Variants in CFAP44 observed in about 807,000 individuals in gnomAD.
CFAP44 encodes the protein cilia- and flagella-associated protein 44.
Under a neutral mutation model 216.2 loss-of-function variants are expected in CFAP44, and 134 were observed. That is an observed-to-expected ratio of 0.62 (90% CI 0.54 to 0.72). The LOEUF is 0.72. CFAP44 is among the 30% of genes least tolerant of loss of function. The probability of loss-of-function intolerance (pLI) is 0.00; values close to 1 mark genes in which losing one functional copy is unlikely to be tolerated. For missense variants in CFAP44, 2,035 were observed against 2,182.1 expected (o/e 0.93, Z 1.34); for synonymous variants, 700 against 727.6 (o/e 0.96, Z 0.61).
At chr3:113,346,977 G>A (rs957813485) in intron 22 of CFAP44, among the ~76,000 whole-genome samples, 9 of 152,020 alleles carry the variant, frequency 5.9e-5, no homozygotes, top group East Asian at 3.9e-4. Context: ...TGAAGTCAGC[G>A]AGACCAAGAA....
chr3:113,337,009 G>A (rs900286395), intron 24 of CFAP44, among the ~76,000 whole-genome samples: 2 of 151,302 alleles, frequency 1.3e-5, no homozygotes, highest in African/African-American at 4.9e-5. Context: ...AAACAGATTA[G>A]AAATAAAACT....
chr3:113,304,242 GTCT>G, intron 31 of CFAP44, 125 bp from the exon 32 acceptor site: 1 of 939,530 alleles, frequency 1.1e-6, no homozygotes. Flanking sequence ...GGGCTTCTAC[GTCT>G]TCCTTACTGA....
At chr3:113,410,164 T>C (rs1318662058) in intron 6 of CFAP44, among the ~76,000 whole-genome samples, 1 of 152,016 alleles carries the variant, frequency 6.6e-6, no homozygotes, top group Non-Finnish European at 1.5e-5. Context: ...TTTTTTTTTA[T>C]TATACTTTAA....
At position 113,290,342 on chromosome 3, in the gene CFAP44, C is replaced by T. The variant is rs1055748; in HGVS notation, c.*1215G>A. On this transcript the variant is annotated 3_prime_UTR_variant, in exon 35 of 35. Transcript: ENST00000393845. ...CCAAGTGGCCACCTCTAAGAATATG[C>T]TGATGTACAAAGAAAGCAAGACCTG... The T allele has an allele frequency of 8.5e-5, 13 of 152,196 alleles. No homozygotes were observed. The highest frequency in any genetic ancestry group is 7.2e-4 in the Admixed American group (11 of 15,300). 9.4% of individuals were successfully genotyped at this position (152,196 alleles called of 1,614,324 possible).
intron 32 of CFAP44, among the ~76,000 whole-genome samples, chr3:113,300,588 T>C (rs1395489272): frequency 6.6e-6 from 1 of 151,648 alleles, no homozygotes; most frequent in Non-Finnish European, 1.5e-5. Context: ...ACCAAAGGAA[T>C]ATATTTGGAA....
intron 24 of CFAP44, among the ~76,000 whole-genome samples, chr3:113,334,259 T>C (rs190947237): frequency 7.9e-5 from 12 of 152,278 alleles, no homozygotes; most frequent in Admixed American, 5.9e-4. Flanking sequence ...AAATTAAACT[T>C]TGTAATTGCA....
At chr3:113,418,926 G>A (rs978619891) in intron 5 of CFAP44, among the ~76,000 whole-genome samples, 1 of 151,906 alleles carries the variant, frequency 6.6e-6, no homozygotes, top group African/African-American at 2.4e-5. Context: ...GGCTGGTCTT[G>A]ATCTCCTGAC....
intron 6 of CFAP44, among the ~76,000 whole-genome samples, chr3:113,413,618 GA>G (rs1269842891): frequency 6.6e-6 from 1 of 152,160 alleles, no homozygotes; most frequent in Non-Finnish European, 1.5e-5. Flanking sequence ...ACCACTTACT[GA>G]ATAGGAAATC....
intron 2 of CFAP44, among the ~76,000 whole-genome samples, chr3:113,430,911 A>G (rs766987840): frequency 6.6e-5 from 10 of 152,186 alleles, no homozygotes; most frequent in Non-Finnish European, 1.3e-4. Flanking sequence ...TTAGTAACTA[A>G]CAGTCCTTCA....
chr3:113,328,309 T>TTTTTTTTTTTTTTTTTTTTTTGAG (rs1259280954), intron 26 of CFAP44, among the ~76,000 whole-genome samples: 1 of 150,268 alleles, frequency 6.7e-6, no homozygotes, highest in African/African-American at 2.4e-5. Context: ...AATCTCTTTC[T>TTTTTTTTTTTTTTTTTTTTTTGAG]AAGATTGAAG....
Position 113,327,748 on chromosome 3 carries a change from A to G in CFAP44, c.4188T>C (p.Thr1396=). Residue 1396 remains threonine (T), a synonymous_variant, in exon 27 of 35, where the codon ACT becomes ACC. Coordinates refer to ENST00000393845, the MANE Select transcript of CFAP44 (RefSeq NM_001164496.2). ...GGTGCAGGTCAGATAATTTCATCTG[A>G]GTATCTAGTTTTAGTTTCTGATGTC... The part of the protein sequence containing the change: ...LLRHQKLKLD[T]QMKLSDLHHV... 2 of 1,537,046 alleles carry G rather than the reference A, an allele frequency of 1.3e-6. No individual in the cohort carries two copies. The highest frequency in any genetic ancestry group is 8.7e-7 in the Non-Finnish European group (1 of 1,146,742).
At position 113,290,441 on chromosome 3, in the gene CFAP44, A is replaced by G. The variant is rs1308946270; in HGVS notation, c.*1116T>C. 1 of 152,252 alleles carries G rather than the reference A, an allele frequency of 6.6e-6. No individual in the cohort carries two copies. Among genetic ancestry groups the G allele is most frequent in the East Asian group, 1.9e-4 (1 of 5,192 alleles). The allele number at this position is 152,252 out of a possible 1,614,324, so 9.4% of individuals were successfully genotyped here. On this transcript the variant is annotated 3_prime_UTR_variant, in exon 35 of 35. Coordinates refer to ENST00000393845, the MANE Select transcript of CFAP44 (RefSeq NM_001164496.2). ...ACTTGGCATTGCTGAGTTCCCTTCTACATTTATGCAATGTTCCTTTCTTCA... is the reference window on the plus strand; with the variant it reads ...ACTTGGCATTGCTGAGTTCCCTTCTGCATTTATGCAATGTTCCTTTCTTCA...
At chr3:113,373,117 T>C (rs1310664035) in intron 18 of CFAP44, among the ~76,000 whole-genome samples, 3 of 152,246 alleles carry the variant, frequency 2.0e-5, no homozygotes, top group African/African-American at 7.2e-5. Flanking sequence ...ACTGTAACCC[T>C]GAACCTTCAT....
At chr3:113,436,493 C>T (rs1054754953) in intron 1 of CFAP44, among the ~76,000 whole-genome samples, 1 of 152,184 alleles carries the variant, frequency 6.6e-6, no homozygotes. Context: ...AAGAAATCAA[C>T]AATTCTCTTT....
chr3:113,314,649 T>C (rs762752016), intron 28 of CFAP44, among the ~76,000 whole-genome samples: 91 of 152,094 alleles, frequency 6.0e-4, no homozygotes, highest in Non-Finnish European at 1.0e-3. Flanking sequence ...TCTCTTCGAG[T>C]GTTTAAATTA....
intron 2 of CFAP44, 60 bp downstream of exon 2, chr3:113,433,505 T>C: frequency 1.0e-6 from 1 of 974,576 alleles, no homozygotes; most frequent in Non-Finnish European, 1.5e-6. Flanking sequence ...TAAAAATTAA[T>C]TATTTAAATG....
chr3:113,318,770 T>C (rs1486018174), intron 28 of CFAP44, among the ~76,000 whole-genome samples: 15 of 152,062 alleles, frequency 9.9e-5, no homozygotes, highest in Admixed American at 9.8e-4. Flanking sequence ...GGGGGCCTAT[T>C]TTCAGTGTCC....
intron 4 of CFAP44, 70 bp downstream of exon 4, chr3:113,426,054 T>C: frequency 6.4e-7 from 1 of 1,558,800 alleles, no homozygotes. Context: ...CTCCCTGGGC[T>C]ATAGTTTGCT....
At chr3:113,315,551 G>A (rs1576543806) in intron 28 of CFAP44, among the ~76,000 whole-genome samples, 1 of 152,280 alleles carries the variant, frequency 6.6e-6, no homozygotes, top group East Asian at 1.9e-4. Context: ...AAGAATGTAA[G>A]AGACCTCAAC....
Sources: allele counts gnomAD v4.1 joint callset (sites outside exome capture counted in the v4.1 genomes callset), GRCh38; gene constraint gnomAD v4.1.1; transcripts MANE v1.5; gene names NCBI Gene and HGNC (gene_info 2026-07-23, HGNC 2026-07-21).